NFIA: variants seen among roughly 807,000 people sequenced by gnomAD.
NFIA encodes nuclear factor 1 A-type.
Under a neutral mutation model 62.8 loss-of-function variants are expected in NFIA, and 8 were observed. The ratio of observed to expected loss-of-function variants is 0.13; its 90% CI spans 0.07 to 0.23. The LOEUF (loss-of-function observed/expected upper bound fraction) is 0.23. Among genes scored for constraint, NFIA ranks in the 10% least tolerant of loss-of-function variants. The probability of loss-of-function intolerance (pLI) is 1.00; values close to 1 mark genes in which losing one functional copy is unlikely to be tolerated. For missense variants in NFIA, 410 were observed against 642.1 expected (o/e 0.64, Z 3.91); for synonymous variants, 235 against 238.1 (o/e 0.99, Z 0.12).
At chr1:61,298,820 C>T (rs1659335514) in intron 3 of NFIA, among the ~76,000 whole-genome samples, 1 of 152,154 alleles carries the variant, frequency 6.6e-6, no homozygotes, top group Non-Finnish European at 1.5e-5. Context: ...CATTGCCCAT[C>T]TTCATTGAAC....
At chr1:61,257,327 T>C (rs1194855792) in intron 2 of NFIA, among the ~76,000 whole-genome samples, 1 of 125,268 alleles carries the variant, frequency 8.0e-6, no homozygotes, top group East Asian at 2.5e-4. Flanking sequence ...TTTTACTGCG[T>C]TGTTTTTTTT....
intron 3 of NFIA, among the ~76,000 whole-genome samples, chr1:61,283,172 T>G (rs1658242611): frequency 6.6e-6 from 1 of 152,242 alleles, no homozygotes; most frequent in South Asian, 2.1e-4. Context: ...AGGAATGTAC[T>G]TCTTTTCATC....
chr1:61,096,136 A>G (rs549997235), intron 2 of NFIA, among the ~76,000 whole-genome samples: 9 of 152,338 alleles, frequency 5.9e-5, no homozygotes, highest in South Asian at 2.1e-4. Flanking sequence ...AAATTAAAAA[A>G]TTAAAATAGG....
At chr1:61,366,412 A>C (rs1341596711) in intron 6 of NFIA, among the ~76,000 whole-genome samples, 1 of 152,204 alleles carries the variant, frequency 6.6e-6, no homozygotes, top group African/African-American at 2.4e-5. Context: ...CTGTAGAAAA[A>C]CATTCAAAAT....
At chr1:61,365,822 C>CT (rs1663555836) in intron 6 of NFIA, among the ~76,000 whole-genome samples, 1 of 152,152 alleles carries the variant, frequency 6.6e-6, no homozygotes, top group African/African-American at 2.4e-5. Context: ...GTCCAAAGTC[C>CT]TTTGTGAAAA....
chr1:61,087,307 A>G (rs1477852848), intron 1 of NFIA, among the ~76,000 whole-genome samples: 1 of 152,110 alleles, frequency 6.6e-6, no homozygotes, highest in Non-Finnish European at 1.5e-5. Context: ...TTTTTTAGGT[A>G]TGATTATTAC....
chr1:61,252,236 T>G (rs149034310), intron 2 of NFIA, among the ~76,000 whole-genome samples: 17 of 152,340 alleles, frequency 1.1e-4, no homozygotes, highest in African/African-American at 3.4e-4. Flanking sequence ...CTTTGTAATA[T>G]ACTGATTCCT....
intron 2 of NFIA, among the ~76,000 whole-genome samples, chr1:61,145,233 C>T (rs1231505523): frequency 2.0e-5 from 3 of 152,116 alleles, no homozygotes; most frequent in Non-Finnish European, 4.4e-5. Context: ...AGTAGGAACA[C>T]GAAGCTAACA....
chr1:61,100,633 G>C (rs550722051), intron 2 of NFIA, among the ~76,000 whole-genome samples: 1 of 152,104 alleles, frequency 6.6e-6, no homozygotes, highest in East Asian at 1.9e-4. Flanking sequence ...TTGCTCTGTT[G>C]CCTAGCTGGA....
At chr1:61,395,411 T>G (rs959141830) in intron 7 of NFIA, among the ~76,000 whole-genome samples, 1 of 152,096 alleles carries the variant, frequency 6.6e-6, no homozygotes, top group African/African-American at 2.4e-5. Context: ...GACTGCAGTT[T>G]GTAATTCCAT....
intron 9 of NFIA, among the ~76,000 whole-genome samples, chr1:61,407,312 T>C (rs908391076): frequency 1.3e-5 from 2 of 151,900 alleles, no homozygotes; most frequent in African/African-American, 4.8e-5. Flanking sequence ...GGTACGGAGA[T>C]AGAGGGGAGA....
intron 6 of NFIA, among the ~76,000 whole-genome samples, chr1:61,368,574 C>T (rs751903816): frequency 6.6e-6 from 1 of 152,174 alleles, no homozygotes; most frequent in Non-Finnish European, 1.5e-5. Flanking sequence ...ACAGCCTTGC[C>T]TTCCTAACTC....
upstream of NFIA, chr1:61,077,266 A>G (rs1303139164): frequency 2.6e-5 from 6 of 229,488 alleles, no homozygotes; most frequent in South Asian, 7.0e-4. Flanking sequence ...CAACTTCTGC[A>G]AAGTCTCGTA....
At chr1:61,446,386 C>A (rs925901781) in intron 10 of NFIA, among the ~76,000 whole-genome samples, 1 of 152,090 alleles carries the variant, frequency 6.6e-6, no homozygotes, top group Non-Finnish European at 1.5e-5. Flanking sequence ...TGTTGGTCTG[C>A]ATGGCCTGGG....
intron 6 of NFIA, among the ~76,000 whole-genome samples, chr1:61,364,025 C>T (rs1007211744): frequency 3.3e-5 from 5 of 151,086 alleles, no homozygotes; most frequent in Non-Finnish European, 5.9e-5. Flanking sequence ...CAGCTCACTG[C>T]AACCTCCACC....
intron 3 of NFIA, among the ~76,000 whole-genome samples, chr1:61,289,219 CTT>C (rs970634705): frequency 1.1e-4 from 16 of 152,164 alleles, no homozygotes; most frequent in Admixed American, 4.6e-4. Context: ...GAAGTGTGGC[CTT>C]TAAGCAAATG....
chr1:61,224,826 A>G (rs1289866817), intron 2 of NFIA, among the ~76,000 whole-genome samples: 1 of 152,130 alleles, frequency 6.6e-6, no homozygotes, highest in Non-Finnish European at 1.5e-5. Context: ...GGATGTTCTA[A>G]TAAAGCTCTT....
At chr1:61,174,274 G>A (rs1376315934) in intron 2 of NFIA, among the ~76,000 whole-genome samples, 1 of 152,178 alleles carries the variant, frequency 6.6e-6, no homozygotes, top group Non-Finnish European at 1.5e-5. Context: ...TGCGCTCTCA[G>A]CAGGCCAGGG....
At chr1:61,190,480 A>G (rs1651541732) in intron 2 of NFIA, among the ~76,000 whole-genome samples, 1 of 152,184 alleles carries the variant, frequency 6.6e-6, no homozygotes, top group Non-Finnish European at 1.5e-5. Flanking sequence ...GGCTTCCAGT[A>G]TTTTCCTTCT....
Sources: allele counts gnomAD v4.1 joint callset (sites outside exome capture counted in the v4.1 genomes callset), GRCh38; gene constraint gnomAD v4.1.1; transcripts MANE v1.5; gene names NCBI Gene and HGNC (gene_info 2026-07-23, HGNC 2026-07-21).